ALK: variants seen among roughly 807,000 people sequenced by gnomAD.
ALK encodes ALK receptor tyrosine kinase, also known as ALK tyrosine kinase receptor.
In ALK, 74 loss-of-function variants were observed where a neutral mutation model predicts 163.1. The ratio of observed to expected loss-of-function variants is 0.45; its 90% CI spans 0.38 to 0.55. The LOEUF (loss-of-function observed/expected upper bound fraction) is 0.55. Ranked by LOEUF, ALK falls within the 20% of genes least tolerant of loss-of-function variation. The probability of loss-of-function intolerance (pLI) is 0.00; values close to 1 mark genes in which losing one functional copy is unlikely to be tolerated. For missense variants in ALK, 2,063 were observed against 2,105.3 expected, an observed-to-expected ratio of 0.98 and a Z score of 0.39; for synonymous variants, 960 against 843.2, an observed-to-expected ratio of 1.14 and a Z score of -2.40.
At chr2:29,396,468 G>A (rs1252750611) in intron 4 of ALK, among the ~76,000 whole-genome samples, 4 of 152,172 alleles carry the variant, frequency 2.6e-5, no homozygotes, top group Non-Finnish European at 5.9e-5. Flanking sequence ...GAGGTCAGGA[G>A]TTCGAGACCA....
Position 29,223,539 on chromosome 2 carries a change from G to T in ALK, c.3173-11C>A, listed in dbSNP as rs79339096. ...GCTTCCGGCGGTACACTGCAGGTGG[G>T]TGGTCAGCTGCAACATGGCCTGGCA... On this transcript the variant is annotated splice_polypyrimidine_tract_variant and intron_variant, in intron 19 of 28. Transcript: ENST00000389048. 5.6e-6 allele frequency: 9 copies of T among 1,612,606 alleles called. No individual in the cohort carries two copies. Among genetic ancestry groups the T allele is most frequent in the Non-Finnish European group, 6.8e-6 (8 of 1,179,888 alleles).
At chr2:29,664,573 C>T (rs919075243) in intron 3 of ALK, among the ~76,000 whole-genome samples, 1 of 152,050 alleles carries the variant, frequency 6.6e-6, no homozygotes, top group East Asian at 1.9e-4. Context: ...TCAAGTTACC[C>T]CCATATTTAT....
At chr2:29,675,211 A>T (rs935464350) in intron 3 of ALK, among the ~76,000 whole-genome samples, 49 of 152,164 alleles carry the variant, frequency 3.2e-4, no homozygotes, top group Admixed American at 3.1e-3. Flanking sequence ...ATGTTAGTGT[A>T]TATAATATTT....
intron 1 of ALK, among the ~76,000 whole-genome samples, chr2:29,913,590 T>A (rs1034061034): frequency 1.4e-4 from 21 of 152,196 alleles, no homozygotes; most frequent in African/African-American, 4.8e-4. Flanking sequence ...ACACGCCTTA[T>A]TTTTTATCTA....
At chr2:29,373,282 C>G (rs1472113627) in intron 5 of ALK, among the ~76,000 whole-genome samples, 4 of 152,094 alleles carry the variant, frequency 2.6e-5, no homozygotes, top group Admixed American at 6.5e-5. Flanking sequence ...TAAGCGGTAA[C>G]AACACCATTT....
At chr2:29,649,708 C>T (rs1406896280) in intron 3 of ALK, among the ~76,000 whole-genome samples, 3 of 152,136 alleles carry the variant, frequency 2.0e-5, no homozygotes, top group Non-Finnish European at 4.4e-5. Context: ...TCCTCAACCT[C>T]CTGGTGGTTG....
At chr2:29,504,895 C>T (rs1672274907) in intron 4 of ALK, among the ~76,000 whole-genome samples, 1 of 152,142 alleles carries the variant, frequency 6.6e-6, no homozygotes, top group Admixed American at 6.5e-5. Context: ...TAATAGAAGG[C>T]CACTTTGACG....
intron 26 of ALK, among the ~76,000 whole-genome samples, chr2:29,202,642 C>A (rs1187083097): frequency 2.0e-5 from 3 of 152,170 alleles, no homozygotes; most frequent in Non-Finnish European, 4.4e-5. Context: ...TAAATGATAT[C>A]CTACTCCTTT....
chr2:29,792,447 T>C (rs904725951), intron 1 of ALK, among the ~76,000 whole-genome samples: 2 of 152,172 alleles, frequency 1.3e-5, no homozygotes, highest in Non-Finnish European at 2.9e-5. Context: ...GAACCCTCAA[T>C]TCAAATCATC....
At position 29,523,695 on chromosome 2, in the gene ALK, A is replaced by T. The variant is rs181689389; in HGVS notation, c.1154+8220T>A. Among the ~76,000 whole-genome samples, 200 of 152,164 alleles carry T rather than the reference A, an allele frequency of 1.3e-3. 2 individuals are homozygous for T. Among genetic ancestry groups the T allele is most frequent in the Admixed American group, 9.8e-3 (150 of 15,282 alleles). On this transcript the variant is annotated intron_variant, in intron 4 of 28. Transcript: ENST00000389048. ...TGGGATTGGCCAAGATGCCATTCTG[A>T]CAAGCACGGGGTTACAGGTATTCAC...
intron 1 of ALK, among the ~76,000 whole-genome samples, chr2:29,819,227 G>A (rs1383649385): frequency 6.6e-6 from 1 of 152,210 alleles, no homozygotes; most frequent in African/African-American, 2.4e-5. Flanking sequence ...ATTACAAACT[G>A]AGAAACACTG....
chr2:29,292,914 G>A (rs902994101), intron 9 of ALK, among the ~76,000 whole-genome samples: 1 of 152,174 alleles, frequency 6.6e-6, no homozygotes, highest in African/African-American at 2.4e-5. Flanking sequence ...CTACTGTGTG[G>A]TGGGGGCAAT....
At chr2:29,320,701 A>T (rs1375229580) in intron 7 of ALK, 50 bp downstream of exon 7, 2 of 1,611,138 alleles carry the variant, frequency 1.2e-6, no homozygotes, top group African/African-American at 2.7e-5. Context: ...CCATCTGTCT[A>T]TGTGGGCATG....
At chr2:29,650,486 T>C (rs1190294199) in intron 3 of ALK, among the ~76,000 whole-genome samples, 1 of 152,146 alleles carries the variant, frequency 6.6e-6, no homozygotes, top group Non-Finnish European at 1.5e-5. Context: ...AGATTTGGGG[T>C]CTTAAGACGT....
intron 1 of ALK, among the ~76,000 whole-genome samples, chr2:29,845,595 C>T (rs979687529): frequency 4.6e-5 from 7 of 152,108 alleles, no homozygotes; most frequent in South Asian, 2.1e-4. Flanking sequence ...CCATCATGAC[C>T]GGCCAATTTT....
Position 29,921,080 on chromosome 2 carries a change from C to T in ALK, c.-421G>A. The T allele has an allele frequency of 4.0e-6, 1 of 252,844 alleles. No individual in the cohort carries two copies. The highest frequency in any genetic ancestry group is 1.6e-4 in the South Asian group (1 of 6,078). 15.7% of individuals were successfully genotyped at this position (252,844 alleles called of 1,614,324 possible). The stretch of plus-strand genomic sequence containing the variant: ...GTCTGTCCCCTCTCGGGGCAGCCTC[C>T]AATCTCTGCAACTTTTAAGGCTGAG... On this transcript the variant is annotated 5_prime_UTR_variant, in exon 1 of 29. Transcript: ENST00000389048.
chr2:29,383,237 A>T (rs1481930335), intron 5 of ALK, among the ~76,000 whole-genome samples: 1 of 151,698 alleles, frequency 6.6e-6, no homozygotes. Context: ...GGTAGATATC[A>T]TTTTATACCA....
intron 4 of ALK, among the ~76,000 whole-genome samples, chr2:29,415,461 C>T (rs1196111064): frequency 6.6e-6 from 1 of 152,054 alleles, no homozygotes; most frequent in East Asian, 1.9e-4. Context: ...CTGGTATGCT[C>T]TCCTTAAGAA....
chr2:29,693,752 G>C (rs1678471318), intron 3 of ALK, among the ~76,000 whole-genome samples: 1 of 152,156 alleles, frequency 6.6e-6, no homozygotes, highest in Admixed American at 6.5e-5. Context: ...AGCAGGCTCT[G>C]GTCCTGGTCT....
Sources: allele counts gnomAD v4.1 joint callset (sites outside exome capture counted in the v4.1 genomes callset), GRCh38; gene constraint gnomAD v4.1.1; transcripts MANE v1.5; gene names NCBI Gene and HGNC (gene_info 2026-07-23, HGNC 2026-07-21).